Variants in MYO1D observed in about 807,000 individuals in gnomAD.
The protein encoded by MYO1D is myosin ID.
MYO1D carries 83 observed loss-of-function variants against 122.0 expected under a neutral mutation model. That is an observed-to-expected ratio of 0.68 (90% CI 0.57 to 0.82). MYO1D has a LOEUF of 0.82. Ranked by LOEUF, MYO1D falls within the 40% of genes least tolerant of loss-of-function variation. MYO1D has a pLI of 0.00. For missense variants in MYO1D, 1,157 were observed against 1,269.5 expected, an observed-to-expected ratio of 0.91 and a Z score of 1.35; for synonymous variants, 464 against 446.9, an observed-to-expected ratio of 1.04 and a Z score of -0.48.
chr17:32,692,643 AAAAAGGTAT>A (rs2089119206), intron 16 of MYO1D, among the ~76,000 whole-genome samples: 1 of 152,232 alleles, frequency 6.6e-6, no homozygotes, highest in Non-Finnish European at 1.5e-5. Context: ...GAACTTACAA[AAAAAGGTAT>A]ACAGACAACT....
intron 16 of MYO1D, among the ~76,000 whole-genome samples, chr17:32,663,662 G>A (rs1375020950): frequency 6.6e-6 from 1 of 152,132 alleles, no homozygotes; most frequent in Non-Finnish European, 1.5e-5. Flanking sequence ...ATCAGAGGCA[G>A]GAAAGATGGC....
intron 21 of MYO1D, among the ~76,000 whole-genome samples, chr17:32,584,981 CA>C (rs1396488215): frequency 6.6e-6 from 1 of 152,126 alleles, no homozygotes; most frequent in Non-Finnish European, 1.5e-5. Flanking sequence ...TCTGTTAATT[CA>C]AAGCATATGA....
chr17:32,594,916 G>C (rs962373537), intron 21 of MYO1D, among the ~76,000 whole-genome samples: 2 of 152,202 alleles, frequency 1.3e-5, no homozygotes, highest in Admixed American at 6.5e-5. Context: ...CTGACAAGGA[G>C]AGTCTGAAAT....
intron 1 of MYO1D, among the ~76,000 whole-genome samples, chr17:32,856,609 G>C (rs887021403): frequency 6.6e-6 from 1 of 151,916 alleles, no homozygotes; most frequent in Non-Finnish European, 1.5e-5. Context: ...CTCTTCCTTG[G>C]CCTTTCTCAA....
chr17:32,587,160 T>C (rs867621073), intron 21 of MYO1D, among the ~76,000 whole-genome samples: 4 of 152,302 alleles, frequency 2.6e-5, no homozygotes, highest in African/African-American at 4.8e-5. Context: ...ACTCAATTCA[T>C]AGTGACTTAA....
Position 32,570,542 on chromosome 17 carries a change from C to T in MYO1D, c.2864+34545G>A, listed in dbSNP as rs969404934. Among the ~76,000 whole-genome samples, 6 of 152,016 alleles carry T rather than the reference C, an allele frequency of 3.9e-5. No individual in the cohort carries two copies. The East Asian group carries it at 1.2e-3, about 29-fold the overall frequency. ...CATTTTTTTGTATTTTTAGTAGAGA[C>T]GGGGTTTCACTGTGTTAGCCAGGAT... On this transcript the variant is annotated intron_variant, in intron 21 of 21. Coordinates refer to ENST00000318217, the MANE Select transcript of MYO1D (RefSeq NM_015194.3).
rs111870610 is a variant in MYO1D, at chr17:32,617,590, G to A, written c.2710-12349C>T. Among the ~76,000 whole-genome samples, 116 of 152,144 alleles carry A rather than the reference G, an allele frequency of 7.6e-4. 1 individual carries two copies. Among genetic ancestry groups the A allele is most frequent in the African/African-American group, 2.6e-3 (108 of 41,510 alleles). On this transcript the variant is annotated intron_variant, in intron 20 of 21. Transcript: ENST00000318217. ...TAAGCAGCTGAGATTACAGGCACCC[G>A]CCACCATGCCCGGGTAATTTTTATA...
chr17:32,662,804 G>A (rs946294105), intron 16 of MYO1D, among the ~76,000 whole-genome samples: 1 of 152,210 alleles, frequency 6.6e-6, no homozygotes, highest in East Asian at 1.9e-4. Flanking sequence ...TAATACATAC[G>A]CAACACTTAA....
At chr17:32,702,583 C>A (rs1449488797) in intron 16 of MYO1D, among the ~76,000 whole-genome samples, 4 of 152,128 alleles carry the variant, frequency 2.6e-5, no homozygotes, top group Non-Finnish European at 5.9e-5. Context: ...CCTCGCCCCC[C>A]AGTGCTATTC....
intron 21 of MYO1D, among the ~76,000 whole-genome samples, chr17:32,538,468 TA>T (rs71144834): frequency 0.05 from 5,613 of 112,012 alleles, 214 homozygotes; most frequent in African/African-American, 0.12. Context: ...TTATTATTAT[TA>T]TTTTTTTTTT....
intron 21 of MYO1D, among the ~76,000 whole-genome samples, chr17:32,578,060 A>G (rs2087295783): frequency 6.6e-6 from 1 of 152,214 alleles, no homozygotes; most frequent in Non-Finnish European, 1.5e-5. Flanking sequence ...TTTCAAAGAG[A>G]CCTTAGAGGT....
chr17:32,692,114 T>C (rs1309667052), intron 16 of MYO1D, among the ~76,000 whole-genome samples: 2 of 152,240 alleles, frequency 1.3e-5, no homozygotes, highest in African/African-American at 2.4e-5. Flanking sequence ...GACTGCTATA[T>C]AGCTCCTCGT....
chr17:32,867,082 T>A (rs562318060), intron 1 of MYO1D, among the ~76,000 whole-genome samples: 1 of 152,278 alleles, frequency 6.6e-6, no homozygotes, highest in South Asian at 2.1e-4. Context: ...GAATGGATTG[T>A]CTTGGGAGGC....
intron 21 of MYO1D, among the ~76,000 whole-genome samples, chr17:32,576,066 T>C (rs2087275921): frequency 6.6e-6 from 1 of 152,170 alleles, no homozygotes; most frequent in African/African-American, 2.4e-5. Flanking sequence ...GGGAATCCAT[T>C]AGTAGACTTC....
chr17:32,681,560 C>CT (rs1366112602), intron 16 of MYO1D, among the ~76,000 whole-genome samples: 1 of 151,612 alleles, frequency 6.6e-6, no homozygotes, highest in Non-Finnish European at 1.5e-5. Flanking sequence ...AGTTGAGCGG[C>CT]TTTGAGTGGG....
chr17:32,745,409 T>C (rs1028028834), intron 12 of MYO1D, 124 bp from the exon 13 acceptor site: 8 of 622,388 alleles, frequency 1.3e-5, no homozygotes, highest in Non-Finnish European at 1.4e-5. Context: ...AAAGCTGATA[T>C]TGTTCATCTT....
intron 21 of MYO1D, among the ~76,000 whole-genome samples, chr17:32,596,051 GA>G (rs1387368875): frequency 6.6e-6 from 1 of 152,146 alleles, no homozygotes; most frequent in African/African-American, 2.4e-5. Context: ...ATCTCTATTG[GA>G]AGGCAGAGGA....
At chr17:32,847,806 T>C (rs1280530424) in intron 1 of MYO1D, among the ~76,000 whole-genome samples, 2 of 152,180 alleles carry the variant, frequency 1.3e-5, no homozygotes, top group East Asian at 1.9e-4. Context: ...TGAGCCACCA[T>C]GCCTAGCCAG....
chr17:32,597,002 A>C (rs772390429), intron 21 of MYO1D, among the ~76,000 whole-genome samples: 1 of 152,194 alleles, frequency 6.6e-6, no homozygotes, highest in Non-Finnish European at 1.5e-5. Flanking sequence ...AAGAAACCTC[A>C]CCTTAGGCTA....
Sources: gnomAD v4.1 joint callset for allele counts (sites outside exome capture counted in the v4.1 genomes callset) on GRCh38, gnomAD v4.1.1 for gene constraint, MANE v1.5 for transcripts, NCBI Gene and HGNC (gene_info 2026-07-23, HGNC 2026-07-21) for gene names.